Variants in SNRNP35 observed in about 807,000 individuals in gnomAD.
SNRNP35 encodes small nuclear ribonucleoprotein U11/U12 subunit 35.
A neutral mutation model predicts 24.3 loss-of-function variants in SNRNP35; 16 were observed. The ratio of observed to expected loss-of-function variants is 0.66; its 90% CI spans 0.45 to 1.00. The LOEUF is 1.00. Ranked by LOEUF, SNRNP35 falls within the 50% of genes least tolerant of loss-of-function variation. SNRNP35 has a pLI of 0.00. For missense variants in SNRNP35, 292 were observed against 327.2 expected, an observed-to-expected ratio of 0.89 and a Z score of 0.83; for synonymous variants, 106 against 124.8, an observed-to-expected ratio of 0.85 and a Z score of 1.00.
At chr12:123,460,089 C>A (rs974263198) in intron 1 of SNRNP35, among the ~76,000 whole-genome samples, 1 of 152,176 alleles carries the variant, frequency 6.6e-6, no homozygotes, top group African/African-American at 2.4e-5. Context: ...ATCTTGGCCT[C>A]CTCAAGTGCT....
intron 1 of SNRNP35, among the ~76,000 whole-genome samples, chr12:123,461,206 C>T (rs550027674): frequency 1.1e-4 from 17 of 151,358 alleles, no homozygotes; most frequent in East Asian, 3.9e-4. Context: ...AGCTCTGCCT[C>T]CCGGGTTCAC....
chr12:123,472,648 C>A (rs1881269723), exon 2 of SNRNP35: 2 of 1,598,118 alleles, frequency 1.3e-6, no homozygotes, highest in East Asian at 4.5e-5. Flanking sequence ...TGTGTGTTGG[C>A]CAGGCGCTTC....
At chr12:123,468,190 C>T (rs1881042058), downstream of SNRNP35, among the ~76,000 whole-genome samples, 1 of 150,866 alleles carries the variant, frequency 6.6e-6, no homozygotes, top group African/African-American at 2.4e-5. Context: ...AAAGCCCCAT[C>T]CCTACTAAAA....
At chr12:123,467,814 TTTA>T (rs1460110720), downstream of SNRNP35, among the ~76,000 whole-genome samples, 1 of 152,152 alleles carries the variant, frequency 6.6e-6, no homozygotes, top group Admixed American at 6.6e-5. Context: ...AGTACAGAAT[TTTA>T]TTATTTCCCA....
At position 123,465,585 on chromosome 12, in the gene SNRNP35, A is replaced by C. The variant is rs1266925489; in HGVS notation, c.45A>C (p.Lys15Asn). The change falls in exon 2 of 2, where the codon AAA becomes AAC. Residue 15 changes from lysine to asparagine, a missense_variant. Transcript: ENST00000526639. This position sits in a 1 kb window ranked among gnomAD's most constrained non-coding sequence, Gnocchi z 4.2. The part of the protein sequence containing the change: ...MPIAKEYDPL[K>N]AGSIDGTDED... ...TCGCCAAGGAGTATGATCCACTCAA[A>C]GCGGGCAGCATTGATGGCACCGATG... 1 of 1,588,822 alleles carries C rather than the reference A, an allele frequency of 6.3e-7. No homozygotes were observed.
In SNRNP35 at chr12:123,466,293, C is replaced by T. The variant is rs1222815951; in HGVS notation, c.*12C>T. ...AAAGAGGCAAGTAGAGGCCCAACAG[C>T]AGAACCCCAAAGTGAAGTTACAGTG... On this transcript the variant is annotated 3_prime_UTR_variant, in exon 2 of 2. Transcript: ENST00000526639. 6.6e-7 allele frequency: 1 copy of T among 1,510,784 alleles called. No individual in the cohort carries two copies. The highest frequency in any genetic ancestry group is 2.3e-5 in the East Asian group (1 of 43,688). 93.6% of individuals were successfully genotyped at this position (1,510,784 alleles called of 1,614,324 possible).
In SNRNP35 at chr12:123,466,015, G is replaced by T. The variant is rs762467966; in HGVS notation, c.475G>T (p.Asp159Tyr). Residue 159 changes from aspartate to tyrosine, a missense_variant, in exon 2 of 2, where the codon GAC becomes TAC. Transcript: ENST00000526639. Reference protein sequence around the residue: ...ESGQLRFGGRDRPFRKPINLP... With the variant: ...ESGQLRFGGRYRPFRKPINLP... Reference sequence around the variant, plus strand: ...TGGGCAACTGAGATTTGGGGGACGGGACCGGCCTTTTCGAAAACCTATTAA... The same window carrying T: ...TGGGCAACTGAGATTTGGGGGACGGTACCGGCCTTTTCGAAAACCTATTAA... The T allele has an allele frequency of 2.9e-5, 47 of 1,614,022 alleles. No individual in the cohort carries two copies. Among genetic ancestry groups the T allele is most frequent in the Non-Finnish European group, 4.0e-5 (47 of 1,180,040 alleles).
chr12:123,463,570 G>T (rs374020784), intron 1 of SNRNP35, among the ~76,000 whole-genome samples: 2 of 150,278 alleles, frequency 1.3e-5, no homozygotes, highest in East Asian at 3.9e-4. Flanking sequence ...TAGAGACGGG[G>T]TTTCACCATA....
downstream of SNRNP35, chr12:123,470,791 A>G (rs1213069614): frequency 1.3e-5 from 2 of 152,040 alleles, no homozygotes; most frequent in African/African-American, 4.8e-5. Flanking sequence ...CAAAAAAAAG[A>G]GAGACATTTA....
intron 1 of SNRNP35, among the ~76,000 whole-genome samples, 154 bp downstream of exon 1, chr12:123,458,370 G>A (rs1198575072): frequency 2.0e-5 from 3 of 152,102 alleles, no homozygotes; most frequent in Non-Finnish European, 2.9e-5. Context: ...GAGTGGGGAC[G>A]AGAGCTGGAT....
exon 2 of SNRNP35, chr12:123,472,711 G>A (rs1392437642): frequency 6.3e-7 from 1 of 1,583,850 alleles, no homozygotes; most frequent in Non-Finnish European, 8.6e-7. Context: ...ACACAGAAAT[G>A]AGAGCTGACC....
chr12:123,458,397 T>G (rs1207587590), intron 1 of SNRNP35, among the ~76,000 whole-genome samples, 181 bp downstream of exon 1: 1 of 149,298 alleles, frequency 6.7e-6, no homozygotes, highest in Non-Finnish European at 1.5e-5. Flanking sequence ...GATGGCGCCT[T>G]ACTCCCTGCG....
At chr12:123,462,101 G>A (rs555637718) in intron 1 of SNRNP35, among the ~76,000 whole-genome samples, 8 of 152,294 alleles carry the variant, frequency 5.3e-5, no homozygotes, top group South Asian at 2.1e-4. Flanking sequence ...CCACCAGACT[G>A]AAGAGTGTTT....
chr12:123,466,063 C>T lies in SNRNP35; in HGVS notation c.523C>T (p.Leu175Phe), dbSNP rs1309925199. Residue 175 changes from leucine (L) to phenylalanine (F), a missense_variant, in exon 2 of 2, where the codon CTC becomes TTC. Leu to Phe is a conservative substitution (Grantham distance 22, BLOSUM62 0). Coordinates refer to ENST00000526639, the MANE Select transcript of SNRNP35 (RefSeq NM_022717.4). ...TAACTTGCCAGTTGTTAAAAACGAC[C>T]TCTATAGAGAGGGAAAACGGGAAAG... ...PINLPVVKND[L>F]YREGKRERRE... 6 of 1,613,978 alleles carry T rather than the reference C, an allele frequency of 3.7e-6. No homozygotes were observed. Among genetic ancestry groups the T allele is most frequent in the South Asian group, 1.1e-5 (1 of 91,072 alleles).
At chr12:123,470,679 G>A (rs1054919463), downstream of SNRNP35, 1 of 152,242 alleles carries the variant, frequency 6.6e-6, no homozygotes, top group African/African-American at 2.4e-5. Flanking sequence ...AGCTACTTGG[G>A]AGGCTCAGGC....
chr12:123,465,496 C>T lies in SNRNP35; in HGVS notation c.-3-42C>T. Reference sequence around the variant, plus strand: ...TGTTGTAAGGGTTGAATGAGTGGCTCAGAGTAGAGGCTCCATCCACGCTTG... The same window carrying T: ...TGTTGTAAGGGTTGAATGAGTGGCTTAGAGTAGAGGCTCCATCCACGCTTG... On this transcript the variant is annotated intron_variant, in intron 1 of 1. Coordinates refer to ENST00000526639, the MANE Select transcript of SNRNP35 (RefSeq NM_022717.4). This position sits in a 1 kb window ranked among gnomAD's most constrained non-coding sequence, Gnocchi z 4.2. 2 of 1,514,134 alleles carry T rather than the reference C, an allele frequency of 1.3e-6. No homozygotes were observed. The highest frequency in any genetic ancestry group is 1.8e-6 in the Non-Finnish European group (2 of 1,131,758). The allele number at this position is 1,514,134 out of a possible 1,614,324, so 93.8% of individuals were successfully genotyped here. A position where few individuals can be genotyped will look rare whatever the true frequency, so the allele number is the denominator to read the frequency against.
chr12:123,472,946 C>T (rs73412254), exon 2 of SNRNP35: 8,759 of 392,532 alleles, frequency 0.022, 659 homozygotes, highest in African/African-American at 0.16. Flanking sequence ...GTGTCTTCCA[C>T]GTTAGCCGCT....
chr12:123,467,033 C>G (rs1189703845), downstream of SNRNP35: 1 of 152,068 alleles, frequency 6.6e-6, no homozygotes, highest in Non-Finnish European at 1.5e-5. Context: ...GAGTACGTGG[C>G]AAAAAGAGGT....
chr12:123,466,542 C>A lies in SNRNP35; in HGVS notation c.*261C>A. ...TGGCATCTGTACAGAAGGGCATTTTCTTTTCTTTTCTTTTTTTTTTTTTTG... is the reference window on the plus strand; with the variant it reads ...TGGCATCTGTACAGAAGGGCATTTTATTTTCTTTTCTTTTTTTTTTTTTTG... On this transcript the variant is annotated 3_prime_UTR_variant, in exon 2 of 2. Transcript: ENST00000526639. 4 of 296,278 alleles carry A rather than the reference C, an allele frequency of 1.4e-5. No individual in the cohort carries two copies. Among genetic ancestry groups the A allele is most frequent in the Non-Finnish European group, 1.8e-5 (3 of 167,680 alleles). 18.4% of individuals were successfully genotyped at this position (296,278 alleles called of 1,614,324 possible).
Sources: allele counts gnomAD v4.1 joint callset (sites outside exome capture counted in the v4.1 genomes callset), GRCh38; gene constraint gnomAD v4.1.1; non-coding constraint Gnocchi (gnomAD v3.1); transcripts MANE v1.5; gene names NCBI Gene and HGNC (gene_info 2026-07-23, HGNC 2026-07-21).